The following RNF38 variants were observed in gnomAD, a reference collection of about 807,000 sequenced individuals.
RNF38 encodes the protein ring finger protein 38.
A neutral mutation model predicts 67.2 loss-of-function variants in RNF38; 15 were observed. That is an observed-to-expected ratio of 0.22 (90% CI 0.15 to 0.34). The LOEUF (loss-of-function observed/expected upper bound fraction) is 0.34, where lower values mean the gene tolerates loss of function less well. Among genes scored for constraint, RNF38 ranks in the 10% least tolerant of loss-of-function variants. The probability of loss-of-function intolerance (pLI) is 1.00; values close to 1 mark genes in which losing one functional copy is unlikely to be tolerated. For synonymous variants in RNF38, 220 were observed against 218.8 expected (o/e 1.01, Z -0.05); for missense variants, 524 against 639.9 (o/e 0.82, Z 1.95).
Position 36,356,741 on chromosome 9 carries a change from C to T in RNF38, c.739-268G>A, listed in dbSNP as rs1034515990. ...AACCATCTATGAAAAAGGGTTGGGG[C>T]GGGTGTGGGGGGGGCGGGGGGGAAG... is the stretch of plus-strand genomic sequence containing the variant. On this transcript the variant is annotated intron_variant, in intron 5 of 11. Transcript: ENST00000259605. Among the ~76,000 whole-genome samples, 20 of 4,598 alleles carry T rather than the reference C, an allele frequency of 4.3e-3. No homozygotes were observed. In the South Asian group the frequency reaches 0.066, roughly 15 times the overall value. 3.0% of individuals were successfully genotyped at this position (4,598 alleles called of 152,430 possible).
At chr9:36,372,455 C>A in intron 3 of RNF38, 1 of 666,918 alleles carries the variant, frequency 1.5e-6, no homozygotes, top group Admixed American at 2.5e-5. Context: ...ATCCCTCTTT[C>A]ACTTCATTCG....
In RNF38 at chr9:36,351,100, A is replaced by T. The variant is rs375367114; in HGVS notation, c.1263+15T>A. On this transcript the variant is annotated intron_variant, in intron 9 of 11. Coordinates refer to ENST00000259605, the MANE Select transcript of RNF38 (RefSeq NM_022781.5). The stretch of plus-strand genomic sequence containing the variant: ...CACAATATTCCCCAAATTAATTCAC[A>T]ATTCATCTACTAACCTCGTAATTTT... The T allele has an allele frequency of 3.0e-4, 471 of 1,554,320 alleles. No individual in the cohort carries two copies. Among genetic ancestry groups the T allele is most frequent in the Non-Finnish European group, 3.8e-4 (432 of 1,127,430 alleles).
At chr9:36,474,149 T>C (rs564419008) in intron 1 of RNF38, among the ~76,000 whole-genome samples, 1 of 149,642 alleles carries the variant, frequency 6.7e-6, no homozygotes, top group South Asian at 2.1e-4. Context: ...CCATCTCTAC[T>C]ACAAATACAA....
At chr9:36,400,969 TGCGCCGGCGCACTGGCCTCCGCTGCGC>T, upstream of RNF38, 2 of 982,462 alleles carry the variant, frequency 2.0e-6, no homozygotes, top group South Asian at 4.7e-5. Flanking sequence ...GGGCTCCCTA[TGCGCCGGCGCACTGGCCTCCGCTGCGC>T]GCGCAGGCGA....
In RNF38 at chr9:36,341,120, CGCTTCAGAGTG is replaced by C. The variant is rs557234150; in HGVS notation, c.1485+1194_1485+1204del. Among the ~76,000 whole-genome samples the C allele has an allele frequency of 7.0e-4, 107 of 152,274 alleles. 2 individuals are homozygous for C. In the South Asian group the frequency reaches 0.022, roughly 31 times the overall value. On this transcript the variant is annotated intron_variant, in intron 11 of 11. Coordinates refer to ENST00000259605, the MANE Select transcript of RNF38 (RefSeq NM_022781.5). Reference sequence around the variant, plus strand: ...TTCAGGATCACACTAAACTCCTTTACGCTTCAGAGTGGCTTCACAACAAGCCGCTCATTGAT... The same window carrying C: ...TTCAGGATCACACTAAACTCCTTTACGCTTCACAACAAGCCGCTCATTGAT...
chr9:36,447,056 G>GAT lies in RNF38; in HGVS notation n.242-22375_242-22374dup, dbSNP rs148343146. 9.4e-4 allele frequency among the ~76,000 whole-genome samples: 142 copies of GAT among 150,742 alleles called. 1 individual carries two copies. The East Asian group carries it at 0.023, about 25-fold the overall frequency. ...GCAGGAGAATTGCTTGAACACAGGA[G>GAT]ATGGAGGTTGCAGTGAGTTGAGATC... On this transcript the variant is annotated intron_variant and non_coding_transcript_variant, in intron 1 of 3. Transcript: ENST00000488058.
intron 1 of RNF38, among the ~76,000 whole-genome samples, chr9:36,458,646 G>A (rs577383371): frequency 3.3e-5 from 5 of 152,136 alleles, no homozygotes; most frequent in East Asian, 3.9e-4. Flanking sequence ...CGAACCCACC[G>A]GAAGGAAGTT....
In RNF38 at chr9:36,344,860, G is replaced by A. The variant is rs1833104091; in HGVS notation, c.1357C>T (p.Pro453Ser). 3 of 1,614,018 alleles carry A rather than the reference G, an allele frequency of 1.9e-6. No homozygotes were observed. Among genetic ancestry groups the A allele is most frequent in the Non-Finnish European group, 1.7e-6 (2 of 1,179,906 alleles). The part of the protein sequence containing the change: ...IEQLPSYRFN[P>S]NNHQSEQTLC... ...GTCTGTTCTGACTGGTGGTTGTTAGGATTGAACCGATAAGAAGGAAGTTGT... is the reference window on the plus strand; with the variant it reads ...GTCTGTTCTGACTGGTGGTTGTTAGAATTGAACCGATAAGAAGGAAGTTGT... Residue 453 changes from proline (P) to serine (S), a missense_variant, in exon 10 of 12, where the codon CCT becomes TCT. Pro to Ser is a moderately conservative substitution (Grantham distance 74). Around this residue, in one of 2 missense-constraint regions of RNF38, gnomAD observed 63 missense variants for 122.5 expected, o/e 0.51. Coordinates refer to ENST00000259605, the MANE Select transcript of RNF38 (RefSeq NM_022781.5).
chr9:36,356,846 T>A (rs140363790), intron 5 of RNF38, among the ~76,000 whole-genome samples: 1 of 152,256 alleles, frequency 6.6e-6, no homozygotes, highest in East Asian at 1.9e-4. Flanking sequence ...ACTCCCCTTT[T>A]CAATCCTGTA....
chr9:36,344,882 T>C lies in RNF38; in HGVS notation c.1335A>G (p.Gln445=). 1.2e-6 allele frequency: 2 copies of C among 1,614,116 alleles called. No homozygotes were observed. The highest frequency in any genetic ancestry group is 1.7e-6 in the Non-Finnish European group (2 of 1,179,956). ...TAGGATTGAACCGATAAGAAGGAAGTTGTTCAATATCTGCTTTAGTCAGTC... is the reference window on the plus strand; with the variant it reads ...TAGGATTGAACCGATAAGAAGGAAGCTGTTCAATATCTGCTTTAGTCAGTC... The part of the protein sequence containing the change: ...PRGLTKADIE[Q]LPSYRFNPNN... The change falls in exon 10 of 12, where the codon CAA becomes CAG. Residue 445 remains glutamine (Q), a synonymous_variant. Coordinates refer to ENST00000259605, the MANE Select transcript of RNF38 (RefSeq NM_022781.5).
At chr9:36,428,640 A>T (rs1176744945) in intron 1 of RNF38, among the ~76,000 whole-genome samples, 1 of 152,150 alleles carries the variant, frequency 6.6e-6, no homozygotes, top group Non-Finnish European at 1.5e-5. Context: ...GAGTAACAGC[A>T]TTATTCTGAC....
At chr9:36,466,283 A>T (rs1839860794) in intron 1 of RNF38, among the ~76,000 whole-genome samples, 1 of 152,172 alleles carries the variant, frequency 6.6e-6, no homozygotes, top group Admixed American at 6.6e-5. Flanking sequence ...CAATGAGTGG[A>T]GGATTTCTTT....
At chr9:36,366,604 G>A (rs1252511823) in intron 4 of RNF38, among the ~76,000 whole-genome samples, 5 of 152,166 alleles carry the variant, frequency 3.3e-5, no homozygotes, top group Non-Finnish European at 7.3e-5. Flanking sequence ...AATATTGATG[G>A]TGTTACCTGT....
rs761694946 is a variant in RNF38 at position 36,390,502 on chromosome 9, C to A, written c.127G>T (p.Val43Phe). ...GCTTTGAAGTGAGCATCCTCTTGAA[C>A]GGTAGTGTTCTGATCACTTGGGAGG... ...PLLPSDQNTT[V>F]QEDAHFKAFF... is the part of the protein sequence containing the mutation. Residue 43 changes from valine (V) to phenylalanine (F), a missense_variant, in exon 2 of 12, where the codon GTT (valine) becomes TTT (phenylalanine). Val to Phe is a conservative substitution (Grantham distance 50). Transcript: ENST00000259605. 6.2e-7 allele frequency: 1 copy of A among 1,613,440 alleles called. No individual in the cohort carries two copies. The highest frequency in any genetic ancestry group is 1.1e-5 in the South Asian group (1 of 91,016).
Position 36,477,527 on chromosome 9 carries a change from G to A in RNF38, n.241+9781C>T, listed in dbSNP as rs574061237. On this transcript the variant is annotated intron_variant and non_coding_transcript_variant, in intron 1 of 3. Transcript: ENST00000488058. ...CTCCATGTCACAAAAAAGTTTAAAA[G>A]GTTAGTGTAGTTGGCCGGGTACTGT... 3.3e-5 allele frequency among the ~76,000 whole-genome samples: 5 copies of A among 151,540 alleles called. No individual in the cohort carries two copies. In the South Asian group the frequency reaches 1.0e-3, roughly 32 times the overall value.
intron 1 of RNF38, among the ~76,000 whole-genome samples, chr9:36,472,304 T>C (rs1840016218): frequency 1.3e-5 from 2 of 152,222 alleles, no homozygotes; most frequent in Admixed American, 6.5e-5. Flanking sequence ...CTTCCTCCTA[T>C]GAATTCCACA....
chr9:36,416,740 A>ATTTTTTTTTTTTT (rs1491451376), intron 2 of RNF38, among the ~76,000 whole-genome samples: 3 of 73,054 alleles, frequency 4.1e-5, no homozygotes, highest in African/African-American at 1.6e-4. Context: ...TGCTGCCTCG[A>ATTTTTTTTTTTTT]TATTTTTTTT....
exon 1 of RNF38, chr9:36,487,459 G>T: frequency 1.0e-6 from 1 of 980,552 alleles, no homozygotes; most frequent in Non-Finnish European, 1.2e-6. Flanking sequence ...CAAGCTCGGC[G>T]GGGCCCGGCC....
At chr9:36,486,604 T>TAATTC (rs1840417310) in intron 1 of RNF38, among the ~76,000 whole-genome samples, 1 of 152,050 alleles carries the variant, frequency 6.6e-6, no homozygotes, top group Admixed American at 6.6e-5. Flanking sequence ...ATTGGTTTAG[T>TAATTC]CAGTGCAGTG....
Sources: allele counts gnomAD v4.1 joint callset (sites outside exome capture counted in the v4.1 genomes callset), GRCh38; gene constraint gnomAD v4.1.1; regional missense constraint gnomAD v4.1.1; transcripts MANE v1.5; gene names NCBI Gene and HGNC (gene_info 2026-07-23, HGNC 2026-07-21).